The following TMEM223 variants were observed in gnomAD, a reference collection of about 807,000 sequenced individuals.
TMEM223 encodes transmembrane protein 223.
A neutral mutation model predicts 14.1 loss-of-function variants in TMEM223; 14 were observed. That is an observed-to-expected ratio of 0.99 (90% CI 0.66 to 1.55). TMEM223 has a LOEUF of 1.55. Among genes scored for constraint, TMEM223 ranks in the 40% most tolerant of loss-of-function variants. The pLI, the probability that TMEM223 is intolerant of heterozygous loss-of-function variation, is 0.00. For missense variants in TMEM223, 346 were observed against 269.9 expected, an observed-to-expected ratio of 1.28 and a Z score of -1.97; for synonymous variants, 145 against 120.5, an observed-to-expected ratio of 1.20 and a Z score of -1.33.
Position 62,791,962 on chromosome 11 carries a change from C to G in TMEM223, c.33G>C (p.Gly11=), listed in dbSNP as rs765695453. The change falls in exon 1 of 2, where the codon GGG becomes GGC. Residue 11 remains glycine (G), a synonymous_variant. Transcript: ENST00000307366. ...GCAGGGGCCGCAGCACGGCTAGCAGCCCCGTGGGCCATCGCCTCCAAGGCG... is the reference window on the plus strand; with the variant it reads ...GCAGGGGCCGCAGCACGGCTAGCAGGCCCGTGGGCCATCGCCTCCAAGGCG... MAAPWRRWPT[G]LLAVLRPLLT... 1 of 1,569,438 alleles carries G rather than the reference C, an allele frequency of 6.4e-7. No homozygotes were observed. The highest frequency in any genetic ancestry group is 1.8e-5 in the Admixed American group (1 of 54,898).
chr11:62,781,170 AG>A lies in TMEM223; in HGVS notation c.315-6506del, dbSNP rs555541656. The stretch of plus-strand genomic sequence containing the variant: ...AGAATTGCTTGAACCCAGGAGGCAG[AG>A]GTTGCAGTGAGCTGAGATTGAGCCA... On this transcript the variant is annotated intron_variant, in intron 1 of 2. Coordinates refer to the TMEM223 transcript ENST00000528367. Among the ~76,000 whole-genome samples the A allele has an allele frequency of 7.6e-4, 115 of 150,548 alleles. 1 individual carries two copies. The South Asian group carries it at 0.023, about 30-fold the overall frequency.
chr11:62,775,986 T>C (rs1254044837), intron 1 of TMEM223: 4 of 1,554,414 alleles, frequency 2.6e-6, no homozygotes, highest in Non-Finnish European at 3.5e-6. Context: ...GCCTTTTTAC[T>C]AACCTCCACC....
intron 1 of TMEM223, chr11:62,781,587 T>G: frequency 3.4e-6 from 1 of 297,574 alleles, no homozygotes; most frequent in Non-Finnish European, 6.4e-6. Context: ...GGCAGGAGAA[T>G]GGTGTAAAAC....
At position 62,790,173 on chromosome 11, in the gene TMEM223, T is replaced by C. The variant is rs536466968; in HGVS notation, c.*450A>G. ...TTCGTTGGGGGGTGGGGGGGAAACATAATGACAGGCCCCCCTCCACCTCTT... is the reference window on the plus strand; with the variant it reads ...TTCGTTGGGGGGTGGGGGGGAAACACAATGACAGGCCCCCCTCCACCTCTT... On this transcript the variant is annotated 3_prime_UTR_variant, in exon 2 of 2. Coordinates refer to ENST00000307366, the MANE Select transcript of TMEM223 (RefSeq NM_001080501.3). The C allele has an allele frequency of 3.4e-5, 36 of 1,063,520 alleles. No individual in the cohort carries two copies. The South Asian group carries it at 5.9e-4, about 17-fold the overall frequency. The allele number at this position is 1,063,520 out of a possible 1,614,324, so 65.9% of individuals were successfully genotyped here. A position where few individuals can be genotyped will look rare whatever the true frequency, so the allele number is the denominator to read the frequency against.
At chr11:62,786,321 T>TG (rs1460255930), downstream of TMEM223, 3 of 1,614,210 alleles carry the variant, frequency 1.9e-6, no homozygotes, top group Admixed American at 5.0e-5. Flanking sequence ...CAGGCTGTGC[T>TG]GGATGATTAT....
At chr11:62,786,988 A>G (rs1590940304), downstream of TMEM223, 1 of 1,476,644 alleles carries the variant, frequency 6.8e-7, no homozygotes, top group East Asian at 2.8e-5. Context: ...CGCCTCTGAG[A>G]GCAGGCCCTT....
chr11:62,790,109 C>T lies in TMEM223; in HGVS notation c.*514G>A, dbSNP rs78079991. Reference sequence around the variant, plus strand: ...ATGCCCAAGTGCCTGTAATCCCCCCCCTCAAGGCCCTGTTTATGTTGGGAG... The same window carrying T: ...ATGCCCAAGTGCCTGTAATCCCCCCTCTCAAGGCCCTGTTTATGTTGGGAG... On this transcript the variant is annotated 3_prime_UTR_variant, in exon 2 of 2. Transcript: ENST00000307366. 1.4e-5 allele frequency: 21 copies of T among 1,488,882 alleles called. No homozygotes were observed. Among genetic ancestry groups the T allele is most frequent in the Admixed American group, 1.2e-4 (5 of 41,558 alleles). The allele number at this position is 1,488,882 out of a possible 1,614,324, so 92.2% of individuals were successfully genotyped here.
Position 62,790,100 on chromosome 11 carries a change from A to T in TMEM223, c.*523T>A. 1 of 1,510,880 alleles carries T rather than the reference A, an allele frequency of 6.6e-7. No homozygotes were observed. Among genetic ancestry groups the T allele is most frequent in the East Asian group, 2.4e-5 (1 of 42,186 alleles). 93.6% of individuals were successfully genotyped at this position (1,510,880 alleles called of 1,614,324 possible). A position where few individuals can be genotyped will look rare whatever the true frequency, so the allele number is the denominator to read the frequency against. Reference sequence around the variant, plus strand: ...GAAGACTCCATGCCCAAGTGCCTGTAATCCCCCCCCTCAAGGCCCTGTTTA... The same window carrying T: ...GAAGACTCCATGCCCAAGTGCCTGTTATCCCCCCCCTCAAGGCCCTGTTTA... On this transcript the variant is annotated 3_prime_UTR_variant, in exon 2 of 2. Coordinates refer to ENST00000307366, the MANE Select transcript of TMEM223 (RefSeq NM_001080501.3).
downstream of TMEM223, chr11:62,786,403 C>T (rs774533909): frequency 2.5e-6 from 4 of 1,609,844 alleles, no homozygotes; most frequent in South Asian, 2.2e-5. Flanking sequence ...GTACCGTCCC[C>T]TTCCAGCCTC....
At position 62,790,870 on chromosome 11, in the gene TMEM223, A is replaced by C. The variant is rs1324969354; in HGVS notation, c.362T>G (p.Val121Gly). ...TCCAGCTCGAAGCACCACTGAGCGC[A>C]CAGACCGGAGAGAGAAGAGAAGACC... is the stretch of plus-strand genomic sequence containing the variant. ...GAGLLFSLRS[V>G]RSVVLRAGGQ... is the part of the protein sequence containing the mutation. Residue 121 changes from valine to glycine, a missense_variant, in exon 2 of 2, where the codon GTG becomes GGG. Physicochemically the swap from Val to Gly is moderately radical, Grantham distance 109 (BLOSUM62 -3). Transcript: ENST00000307366. 1 of 1,604,494 alleles carries C rather than the reference A, an allele frequency of 6.2e-7. No individual in the cohort carries two copies. Among genetic ancestry groups the C allele is most frequent in the Non-Finnish European group, 8.5e-7 (1 of 1,175,048 alleles).
chr11:62,782,044 G>A, intron 1 of TMEM223: 1 of 1,594,614 alleles, frequency 6.3e-7, no homozygotes, highest in Non-Finnish European at 8.6e-7. Context: ...CTCATGGCAA[G>A]TGCTGTCAGA....
downstream of TMEM223, chr11:62,789,491 A>C: frequency 1.2e-6 from 2 of 1,608,138 alleles, no homozygotes; most frequent in Non-Finnish European, 8.5e-7. Context: ...GGGGTCCTAT[A>C]ATTTCCTTTT....
chr11:62,772,760 T>A (rs1331044639), intron 2 of TMEM223, among the ~76,000 whole-genome samples: 1 of 148,940 alleles, frequency 6.7e-6, no homozygotes, highest in Non-Finnish European at 1.5e-5. Flanking sequence ...ATCAAGCCAC[T>A]GCACTCCAGC....
downstream of TMEM223, chr11:62,786,657 T>C: frequency 6.2e-7 from 1 of 1,610,946 alleles, no homozygotes; most frequent in Non-Finnish European, 8.5e-7. Context: ...CCGGGGGCGG[T>C]GCAGAACCCA....
intron 1 of TMEM223, chr11:62,778,860 C>T (rs766805628): frequency 8.1e-6 from 13 of 1,613,294 alleles, no homozygotes; most frequent in Middle Eastern, 3.3e-4. Context: ...CCTGCCTGTC[C>T]TCTGGCAGTG....
chr11:62,791,046 T>G, intron 1 of TMEM223, 131 bp from the exon 2 acceptor site: 1 of 961,838 alleles, frequency 1.0e-6, no homozygotes. Context: ...TTTTTGAGAC[T>G]GAGTCTCACT....
chr11:62,774,462 G>C (rs2084170918), intron 2 of TMEM223: 1 of 410,824 alleles, frequency 2.4e-6, no homozygotes, highest in African/African-American at 2.0e-5. Flanking sequence ...TGGATGTAGG[G>C]ACCTGGACGT....
chr11:62,777,228 G>A (rs1173299174), intron 1 of TMEM223, among the ~76,000 whole-genome samples: 1 of 152,132 alleles, frequency 6.6e-6, no homozygotes, highest in African/African-American at 2.4e-5. Context: ...CTGGGAGGCT[G>A]AGGCAGGAGA....
intron 1 of TMEM223, chr11:62,776,071 T>G: frequency 1.7e-6 from 2 of 1,169,822 alleles, no homozygotes; most frequent in Non-Finnish European, 2.4e-6. Context: ...TACAGAACTC[T>G]ACTTGTAGCT....
Sources: gnomAD v4.1 joint callset for allele counts (sites outside exome capture counted in the v4.1 genomes callset) on GRCh38, gnomAD v4.1.1 for gene constraint, MANE v1.5 for transcripts, NCBI Gene and HGNC (gene_info 2026-07-23, HGNC 2026-07-21) for gene names.